Variants in ALAS1 observed in about 807,000 individuals in gnomAD.
ALAS1 encodes the protein 5-aminolevulinate synthase, non-specific, mitochondrial.
A neutral mutation model predicts 59.6 loss-of-function variants in ALAS1; 29 were observed. The observed-to-expected ratio is 0.49, with a 90% CI of 0.36 to 0.66. The LOEUF (loss-of-function observed/expected upper bound fraction) is 0.66, where lower values mean the gene tolerates loss of function less well. Among genes scored for constraint, ALAS1 ranks in the 30% least tolerant of loss-of-function variants. The pLI is 0.00. For missense variants in ALAS1, 690 were observed against 807.5 expected (o/e 0.85, Z 1.76); for synonymous variants, 299 against 296.6 (o/e 1.01, Z -0.08).
At position 52,205,995 on chromosome 3, in the gene ALAS1, C is replaced by G; in HGVS notation, c.957C>G (p.Thr319=). The G allele has an allele frequency of 6.2e-7, 1 of 1,612,354 alleles. No individual in the cohort carries two copies. Among genetic ancestry groups the G allele is most frequent in the Non-Finnish European group, 8.5e-7 (1 of 1,178,990 alleles). ...CGTGCTTTGTGGCCAATGACTCAACCCTCTTCACCCTGGCTAAGATGATGC... is the reference window on the plus strand; with the variant it reads ...CGTGCTTTGTGGCCAATGACTCAACGCTCTTCACCCTGGCTAAGATGATGC... The part of the protein sequence containing the change: ...FSSCFVANDS[T]LFTLAKMMPG... Residue 319 remains threonine, a synonymous_variant, in exon 7 of 12, where the codon ACC becomes ACG. Transcript: ENST00000484952.
chr3:52,209,149 G>C (rs936934395), intron 9 of ALAS1, among the ~76,000 whole-genome samples: 7 of 152,306 alleles, frequency 4.6e-5, no homozygotes, highest in African/African-American at 1.7e-4. Context: ...TCTAAGGGTG[G>C]AACCACTACC....
At chr3:52,203,333 G>A (rs1339990168) in intron 4 of ALAS1, among the ~76,000 whole-genome samples, 3 of 152,196 alleles carry the variant, frequency 2.0e-5, no homozygotes, top group Non-Finnish European at 4.4e-5. Context: ...TTGAGGCCAG[G>A]AGTTTAAGAC....
chr3:52,213,916 A>C (rs982390189), intron 11 of ALAS1, 104 bp from the exon 12 acceptor site: 10 of 1,048,936 alleles, frequency 9.5e-6, no homozygotes, highest in Non-Finnish European at 9.6e-6. Flanking sequence ...TATTATGAAT[A>C]ATGCTGCTAT....
rs372500669 is a variant in ALAS1 at position 52,211,300 on chromosome 3, G to T, written c.1348G>T (p.Val450Phe). ...CCTCCCAGGCAAAGCCTTTGGTTGT[G>T]TTGGAGGGTACATCGCCAGCACGAG... ...SGTLGKAFGC[V>F]GGYIASTSSL... The change falls in exon 10 of 12, where the codon GTT becomes TTT. Residue 450 changes from valine to phenylalanine, a missense_variant. Transcript: ENST00000484952. 1 of 1,614,056 alleles carries T rather than the reference G, an allele frequency of 6.2e-7. No individual in the cohort carries two copies. Among genetic ancestry groups the T allele is most frequent in the Non-Finnish European group, 8.5e-7 (1 of 1,179,936 alleles).
intron 10 of ALAS1, 92 bp from the exon 11 acceptor site, chr3:52,212,166 C>A: frequency 8.3e-7 from 1 of 1,198,290 alleles, no homozygotes; most frequent in Non-Finnish European, 1.2e-6. Flanking sequence ...TGGTCTTGAG[C>A]CTGAGCGTTG....
Position 52,206,580 on chromosome 3 carries a change from A to G in ALAS1, c.994A>G (p.Ile332Val), listed in dbSNP as rs747886518. ...TLAKMMPGCE[I>V]YSDSGNHASM... ...CATTTTTGTTGTCTTAGGCTGTGAG[A>G]TTTACTCTGATTCTGGGAACCATGC... The change falls in exon 8 of 12, where the codon ATT (isoleucine) becomes GTT (valine). Residue 332 changes from isoleucine to valine, a missense_variant. Coordinates refer to ENST00000484952, the MANE Select transcript of ALAS1 (RefSeq NM_000688.6). The G allele has an allele frequency of 1.2e-6, 2 of 1,614,110 alleles. No homozygotes were observed.
intron 5 of ALAS1, 25 bp from the exon 6 acceptor site, chr3:52,204,668 G>A: frequency 1.3e-6 from 2 of 1,595,958 alleles, no homozygotes; most frequent in Non-Finnish European, 1.7e-6. Flanking sequence ...CCACCATTCT[G>A]TACTGTCTTT....
At position 52,199,285 on chromosome 3, in the gene ALAS1, C is replaced by A. The variant is rs368742565; in HGVS notation, c.44C>A (p.Pro15His). 1 of 1,614,070 alleles carries A rather than the reference C, an allele frequency of 6.2e-7. No homozygotes were observed. Among genetic ancestry groups the A allele is most frequent in the African/African-American group, 1.3e-5 (1 of 74,934 alleles). Residue 15 changes from proline (P) to histidine (H), a missense_variant, in exon 3 of 12, where the codon CCC (proline) becomes CAC (histidine). Coordinates refer to ENST00000484952, the MANE Select transcript of ALAS1 (RefSeq NM_000688.6). ...VRRCPFLSRV[P>H]QAFLQKAGKS... ...CGCTGCCCATTCTTATCCCGAGTCC[C>A]CCAGGCCTTTCTGCAGAAAGCAGGC...
chr3:52,198,560 T>C, intron 1 of ALAS1, 112 bp from the exon 2 acceptor site: 1 of 554,180 alleles, frequency 1.8e-6, no homozygotes, highest in Non-Finnish European at 3.2e-6. Flanking sequence ...GAGGACTGCC[T>C]TCTTTCTCCA....
intron 1 of ALAS1, 114 bp from the exon 2 acceptor site, chr3:52,198,558 C>T (rs541899178): frequency 7.2e-6 from 4 of 553,358 alleles, no homozygotes; most frequent in African/African-American, 5.7e-5. Flanking sequence ...CGGAGGACTG[C>T]CTTCTTTCTC....
rs1309429386 is a variant in ALAS1 at position 52,198,168 on chromosome 3, C to A, written c.-297C>A. On this transcript the variant is annotated 5_prime_UTR_variant, in exon 1 of 12. Transcript: ENST00000484952. The stretch of plus-strand genomic sequence containing the variant: ...CCGGCGATCGCGGCCTGAGGCTGCT[C>A]CCGGACAAGGGCAACGAGCGTTTCG... The A allele has an allele frequency of 2.5e-5, 10 of 398,564 alleles. No individual in the cohort carries two copies. Among genetic ancestry groups the A allele is most frequent in the Admixed American group, 2.2e-4 (5 of 22,740 alleles). The allele number at this position is 398,564 out of a possible 1,614,324, so 24.7% of individuals were successfully genotyped here.
intron 10 of ALAS1, 70 bp downstream of exon 10, chr3:52,211,621 T>G: frequency 6.4e-7 from 1 of 1,574,070 alleles, no homozygotes; most frequent in East Asian, 2.3e-5. Flanking sequence ...ATGTTCTGCT[T>G]CATACCTTCC....
chr3:52,199,245 G>A lies in ALAS1; in HGVS notation c.4G>A (p.Glu2Lys). The A allele has an allele frequency of 6.2e-7, 1 of 1,614,164 alleles. No individual in the cohort carries two copies. Among genetic ancestry groups the A allele is most frequent in the South Asian group, 1.1e-5 (1 of 91,086 alleles). The stretch of plus-strand genomic sequence containing the variant: ...GGAGCCAGCATACTTCCTGAACATG[G>A]AGAGTGTTGTTCGCCGCTGCCCATT... Reference protein sequence around the residue: MESVVRRCPFLS... With the variant: MKSVVRRCPFLS... The change falls in exon 3 of 12, where the codon GAG becomes AAG. Residue 2 changes from glutamate (E) to lysine (K), a missense_variant. Coordinates refer to ENST00000484952, the MANE Select transcript of ALAS1 (RefSeq NM_000688.6).
intron 9 of ALAS1, among the ~76,000 whole-genome samples, chr3:52,209,929 C>CT (rs1043201811): frequency 6.6e-6 from 1 of 152,178 alleles, no homozygotes; most frequent in African/African-American, 2.4e-5. Flanking sequence ...ATTTGCCCCC[C>CT]TCGGCCTCCC....
chr3:52,214,298 TCC>T lies in ALAS1; in HGVS notation c.*119_*120del. On this transcript the variant is annotated 3_prime_UTR_variant, in exon 12 of 12. Transcript: ENST00000484952. The stretch of plus-strand genomic sequence containing the variant: ...ATTTTAATCTATAGTAAAAACATAG[TCC>T]TGGAAATAAATTCTTGCTTAAATGG... The T allele has an allele frequency of 2.0e-6, 2 of 983,350 alleles. No homozygotes were observed. Among genetic ancestry groups the T allele is most frequent in the East Asian group, 2.7e-5 (1 of 37,240 alleles). The allele number at this position is 983,350 out of a possible 1,614,324, so 60.9% of individuals were successfully genotyped here.
chr3:52,205,816 G>A (rs372253306), intron 6 of ALAS1, 23 bp from the exon 7 acceptor site: 11 of 1,591,232 alleles, frequency 6.9e-6, no homozygotes, highest in Non-Finnish European at 9.4e-6. Flanking sequence ...TTATTTTCTG[G>A]TTTTGTTTGT....
intron 1 of ALAS1, 42 bp from the exon 2 acceptor site, chr3:52,198,630 G>A (rs1016048319): frequency 6.3e-6 from 4 of 630,448 alleles, no homozygotes; most frequent in African/African-American, 5.5e-5. Flanking sequence ...CAAGGCGCTG[G>A]CCCTCATACC....
At chr3:52,201,062 A>T (rs1371497532) in intron 3 of ALAS1, among the ~76,000 whole-genome samples, 7 of 152,114 alleles carry the variant, frequency 4.6e-5, no homozygotes, top group Non-Finnish European at 7.4e-5. Flanking sequence ...CTTCAAAATA[A>T]TTTTTTTGGC....
chr3:52,213,516 T>C (rs1269367327), intron 11 of ALAS1, among the ~76,000 whole-genome samples: 1 of 152,216 alleles, frequency 6.6e-6, no homozygotes, highest in Non-Finnish European at 1.5e-5. Context: ...AAATTCACCC[T>C]TTTAAAGTAT....
Sources: gnomAD v4.1 joint callset for allele counts (sites outside exome capture counted in the v4.1 genomes callset) on GRCh38, gnomAD v4.1.1 for gene constraint, MANE v1.5 for transcripts, NCBI Gene and HGNC (gene_info 2026-07-23, HGNC 2026-07-21) for gene names.